The following PRDM5 variants were observed in gnomAD, a reference collection of about 807,000 sequenced individuals.
The protein encoded by PRDM5 is PR/SET domain 5.
PRDM5 carries 56 observed loss-of-function variants against 81.2 expected under a neutral mutation model. The ratio of observed to expected loss-of-function variants is 0.69; its 90% CI spans 0.56 to 0.86. PRDM5 has a LOEUF of 0.86. Ranked by LOEUF, PRDM5 falls within the 40% of genes least tolerant of loss-of-function variation. The probability of loss-of-function intolerance (pLI) is 0.00; values close to 1 mark genes in which losing one functional copy is unlikely to be tolerated. For missense variants in PRDM5, 697 were observed against 770.1 expected (o/e 0.91, Z 1.12); for synonymous variants, 267 against 256.4 (o/e 1.04, Z -0.39).
chr4:120,860,994 T>C (rs1436664145), intron 2 of PRDM5, among the ~76,000 whole-genome samples: 2 of 152,186 alleles, frequency 1.3e-5, no homozygotes, highest in African/African-American at 4.8e-5. Context: ...TCTAGCCTTA[T>C]AGTCATCAGT....
intron 3 of PRDM5, 101 bp from the exon 4 acceptor site, chr4:120,821,446 A>C: frequency 8.6e-7 from 1 of 1,168,082 alleles, no homozygotes; most frequent in African/African-American, 1.6e-5. Context: ...TGTGCATGAA[A>C]AGTTATTACT....
At chr4:120,748,642 C>CAAA (rs34983420) in intron 14 of PRDM5, among the ~76,000 whole-genome samples, 1 of 140,830 alleles carries the variant, frequency 7.1e-6, no homozygotes, top group Non-Finnish European at 1.6e-5. Context: ...CCCTCTCTCT[C>CAAA]AAAAAAAAAA....
At chr4:120,698,819 T>A (rs553232183) in intron 15 of PRDM5, among the ~76,000 whole-genome samples, 2 of 152,142 alleles carry the variant, frequency 1.3e-5, no homozygotes, top group South Asian at 4.2e-4. Context: ...CTTTGCACAT[T>A]TTTCTCAAAG....
chr4:120,811,336 A>T lies in PRDM5; in HGVS notation c.945+34T>A, dbSNP rs763807436. ...AACATATTAAAATTATTAAAGATAG[A>T]TATTAAACTGTGATGAATTTTTATC... On this transcript the variant is annotated intron_variant, in intron 8 of 15. Transcript: ENST00000264808. The T allele has an allele frequency of 3.0e-6, 4 of 1,324,648 alleles. No homozygotes were observed. The African/African-American group carries it at 5.8e-5, about 19-fold the overall frequency. 82.1% of individuals were successfully genotyped at this position (1,324,648 alleles called of 1,614,324 possible).
intron 3 of PRDM5, among the ~76,000 whole-genome samples, chr4:120,822,070 C>A (rs908521903): frequency 9.2e-5 from 14 of 152,080 alleles, no homozygotes; most frequent in Non-Finnish European, 1.6e-4. Context: ...CGACCAATAA[C>A]AGACACAGAA....
chr4:120,880,149 T>C (rs536306419), intron 2 of PRDM5, among the ~76,000 whole-genome samples: 1 of 152,296 alleles, frequency 6.6e-6, no homozygotes, highest in South Asian at 2.1e-4. Context: ...TAATTTATAC[T>C]TAATTTTTCT....
At chr4:120,886,487 T>C (rs1364100199) in intron 2 of PRDM5, among the ~76,000 whole-genome samples, 2 of 152,192 alleles carry the variant, frequency 1.3e-5, no homozygotes, top group African/African-American at 4.8e-5. Flanking sequence ...TTAAAGACTA[T>C]ATTTCAGTCA....
At chr4:120,736,978 C>T (rs995116150) in intron 14 of PRDM5, among the ~76,000 whole-genome samples, 2 of 152,154 alleles carry the variant, frequency 1.3e-5, no homozygotes, top group African/African-American at 4.8e-5. Flanking sequence ...TCATTCATTT[C>T]CATCCCAGTA....
At chr4:120,833,780 T>C (rs1017890281) in intron 3 of PRDM5, among the ~76,000 whole-genome samples, 1 of 152,126 alleles carries the variant, frequency 6.6e-6, no homozygotes, top group East Asian at 1.9e-4. Context: ...CGGGGGATCT[T>C]GGAACATATC....
At chr4:120,840,445 G>A (rs899241980) in intron 3 of PRDM5, among the ~76,000 whole-genome samples, 15 of 152,192 alleles carry the variant, frequency 9.9e-5, no homozygotes, top group South Asian at 2.1e-4. Flanking sequence ...GCAGCCCCAC[G>A]CAGAGCCTCC....
intron 14 of PRDM5, among the ~76,000 whole-genome samples, chr4:120,738,661 T>C (rs1474273078): frequency 6.6e-6 from 1 of 152,186 alleles, no homozygotes; most frequent in Non-Finnish European, 1.5e-5. Context: ...CATTGGTAAA[T>C]GGTGATATTG....
chr4:120,805,639 C>A (rs939354335), intron 8 of PRDM5, among the ~76,000 whole-genome samples: 3 of 152,092 alleles, frequency 2.0e-5, no homozygotes, highest in Non-Finnish European at 4.4e-5. Context: ...AGGCCTTTGA[C>A]AAAATTCAAT....
intron 14 of PRDM5, chr4:120,731,923 A>C (rs1167604638): frequency 6.6e-6 from 1 of 152,224 alleles, no homozygotes; most frequent in Non-Finnish European, 1.5e-5. Context: ...GTGATTAGCA[A>C]GGCAAGGAAT....
At chr4:120,820,439 G>A (rs964198979) in intron 4 of PRDM5, among the ~76,000 whole-genome samples, 19 of 152,220 alleles carry the variant, frequency 1.2e-4, no homozygotes, top group African/African-American at 4.1e-4. Context: ...ATTACAAAAT[G>A]TGAATACCTA....
intron 14 of PRDM5, among the ~76,000 whole-genome samples, chr4:120,736,418 T>C (rs910902017): frequency 1.3e-5 from 2 of 152,090 alleles, no homozygotes; most frequent in African/African-American, 4.8e-5. Flanking sequence ...AACTAATCGA[T>C]GATTGATGAT....
In PRDM5 at chr4:120,744,519, T is replaced by C. The variant is rs1403935008; in HGVS notation, c.1623+10034A>G. Reference sequence around the variant, plus strand: ...TGGTTTTTTGAAAGGATCAACAAAATTGATAGACCGCTAGCAAGACTAATA... The same window carrying C: ...TGGTTTTTTGAAAGGATCAACAAAACTGATAGACCGCTAGCAAGACTAATA... On this transcript the variant is annotated intron_variant, in intron 14 of 15. Transcript: ENST00000264808. Among the ~76,000 whole-genome samples the C allele has an allele frequency of 9.9e-5, 15 of 151,550 alleles. 1 individual carries two copies. In the South Asian group the frequency reaches 2.5e-3, roughly 25 times the overall value.
chr4:120,875,312 A>G (rs1579075950), intron 2 of PRDM5, among the ~76,000 whole-genome samples: 1 of 152,250 alleles, frequency 6.6e-6, no homozygotes, highest in African/African-American at 2.4e-5. Flanking sequence ...CCAATTGATC[A>G]GTGGAGTTTG....
intron 3 of PRDM5, among the ~76,000 whole-genome samples, chr4:120,851,371 T>C (rs1057142097): frequency 6.6e-6 from 1 of 151,984 alleles, no homozygotes; most frequent in African/African-American, 2.4e-5. Flanking sequence ...AATTAAAATA[T>C]TGACATAAAT....
At chr4:120,799,888 C>T in intron 8 of PRDM5, 143 bp from the exon 9 acceptor site, 1 of 1,417,802 alleles carries the variant, frequency 7.1e-7, no homozygotes, top group Non-Finnish European at 9.4e-7. Context: ...TTTGTTCACA[C>T]TAACCTATAT....
Sources: allele counts gnomAD v4.1 joint callset (sites outside exome capture counted in the v4.1 genomes callset), GRCh38; gene constraint gnomAD v4.1.1; transcripts MANE v1.5; gene names NCBI Gene and HGNC (gene_info 2026-07-23, HGNC 2026-07-21).